Variants in LDLRAD4 observed in about 807,000 individuals in gnomAD.
The protein encoded by LDLRAD4 is low-density lipoprotein receptor class A domain-containing protein 4.
LDLRAD4 carries 5 observed loss-of-function variants against 17.0 expected under a neutral mutation model. That is an observed-to-expected ratio of 0.29 (90% CI 0.15 to 0.62). The LOEUF (loss-of-function observed/expected upper bound fraction) is 0.62. Among genes scored for constraint, LDLRAD4 ranks in the 20% least tolerant of loss-of-function variants. The pLI, the probability that LDLRAD4 is intolerant of heterozygous loss-of-function variation, is 0.84. For synonymous variants in LDLRAD4, 168 were observed against 171.8 expected, an observed-to-expected ratio of 0.98 and a Z score of 0.17; for missense variants, 340 against 424.7, an observed-to-expected ratio of 0.80 and a Z score of 1.75.
At chr18:13,396,404 C>A (rs1255622232) in intron 2 of LDLRAD4, among the ~76,000 whole-genome samples, 1 of 152,230 alleles carries the variant, frequency 6.6e-6, no homozygotes, top group Non-Finnish European at 1.5e-5. Flanking sequence ...ATAGACTTTA[C>A]ATCATCTCTA....
intron 2 of LDLRAD4, among the ~76,000 whole-genome samples, chr18:13,400,492 C>T (rs1362668750): frequency 6.6e-6 from 1 of 152,180 alleles, no homozygotes; most frequent in African/African-American, 2.4e-5. Context: ...CCTGCGGGCT[C>T]CAGACGGAGC....
At chr18:13,543,698 G>T (rs2094318959) in intron 3 of LDLRAD4, 1 of 152,250 alleles carries the variant, frequency 6.6e-6, no homozygotes, top group African/African-American at 2.4e-5. Context: ...CCTGGAGTTT[G>T]TTGGTGACTT....
intron 1 of LDLRAD4, among the ~76,000 whole-genome samples, chr18:13,350,748 G>A (rs1360103878): frequency 2.0e-5 from 3 of 152,120 alleles, no homozygotes; most frequent in East Asian, 3.8e-4. Flanking sequence ...TTCTTCTAGG[G>A]TTTTAATGGC....
intron 1 of LDLRAD4, among the ~76,000 whole-genome samples, chr18:13,343,632 G>A (rs536322343): frequency 2.0e-5 from 3 of 152,204 alleles, no homozygotes; most frequent in South Asian, 4.2e-4. Context: ...GGTATTTCTA[G>A]TTCTAGATCC....
intron 3 of LDLRAD4, among the ~76,000 whole-genome samples, chr18:13,531,772 A>T (rs923658116): frequency 1.3e-4 from 20 of 152,044 alleles, no homozygotes; most frequent in African/African-American, 4.8e-4. Context: ...AAAGCGCTGC[A>T]TCTTTCTCCT....
rs138721676 is a variant in LDLRAD4, at chr18:13,386,946, A to G, written c.-382-395A>G. 0.011 allele frequency among the ~76,000 whole-genome samples: 1,038 copies of G among 98,400 alleles called. 42 individuals are homozygous for G. The East Asian group carries it at 0.2, about 19-fold the overall frequency. 64.6% of individuals were successfully genotyped at this position (98,400 alleles called of 152,430 possible). A position where few individuals can be genotyped will look rare whatever the true frequency, so the allele number is the denominator to read the frequency against. ...TAGATAGATAGATAGATAGATAGAT[A>G]GATGGATGGATGGATAGATAAGATA... On this transcript the variant is annotated intron_variant, in intron 1 of 5. Transcript: ENST00000359446.
chr18:13,406,520 C>T (rs138164590), intron 2 of LDLRAD4, among the ~76,000 whole-genome samples: 11 of 152,194 alleles, frequency 7.2e-5, no homozygotes, highest in East Asian at 3.9e-4. Flanking sequence ...CCGTCGATGC[C>T]GTGGTGCGCA....
rs1345004115 is a variant in LDLRAD4, at chr18:13,383,601, G to A, written c.-382-3740G>A. Among the ~76,000 whole-genome samples the A allele has an allele frequency of 5.3e-5, 8 of 152,214 alleles. No individual in the cohort carries two copies. The East Asian group carries it at 1.5e-3, about 29-fold the overall frequency. ...TCCTCCAACTTTTACCCTTCCACGT[G>A]TTTGCTCCACAGATGCCCAGCATGG... On this transcript the variant is annotated intron_variant, in intron 1 of 5. Coordinates refer to ENST00000359446, the Ensembl canonical transcript of LDLRAD4.
rs531379508 is a variant in LDLRAD4 at position 13,576,178 on chromosome 18, C to G, written c.182-44939C>G. On this transcript the variant is annotated intron_variant, in intron 3 of 5. Transcript: ENST00000359446. ...GTGGCTCACGCCTGTAATCCCAGCACTTTGGGAGGCCAAGACGGGTGGATC... is the reference window on the plus strand; with the variant it reads ...GTGGCTCACGCCTGTAATCCCAGCAGTTTGGGAGGCCAAGACGGGTGGATC... 2.6e-5 allele frequency among the ~76,000 whole-genome samples: 4 copies of G among 152,252 alleles called. No homozygotes were observed. In the East Asian group the frequency reaches 5.8e-4, roughly 22 times the overall value.
intron 1 of LDLRAD4, among the ~76,000 whole-genome samples, chr18:13,253,360 T>C (rs2043328780): frequency 6.6e-6 from 1 of 152,102 alleles, no homozygotes; most frequent in African/African-American, 2.4e-5. Flanking sequence ...GACTGAAGGG[T>C]GTTGCTCACT....
intron 1 of LDLRAD4, among the ~76,000 whole-genome samples, chr18:13,224,767 A>G (rs1055092029): frequency 6.6e-6 from 1 of 151,448 alleles, no homozygotes; most frequent in African/African-American, 2.4e-5. Flanking sequence ...GGCATGAGCC[A>G]CTGCATCTGG....
intron 3 of LDLRAD4, among the ~76,000 whole-genome samples, chr18:13,477,148 C>A (rs2092960902): frequency 6.6e-6 from 1 of 152,088 alleles, no homozygotes; most frequent in Non-Finnish European, 1.5e-5. Flanking sequence ...GAGGATTGGG[C>A]CCTAATTTTC....
At chr18:13,387,613 C>G in exon 2 of LDLRAD4, 1 of 1,003,412 alleles carries the variant, frequency 1.0e-6, no homozygotes, top group Non-Finnish European at 1.6e-6. Flanking sequence ...GCCGGCCCAG[C>G]AGAGCGATGG....
At chr18:13,271,417 C>T (rs1377161727) in intron 1 of LDLRAD4, among the ~76,000 whole-genome samples, 3 of 152,164 alleles carry the variant, frequency 2.0e-5, no homozygotes, top group Non-Finnish European at 4.4e-5. Flanking sequence ...TTTCCCAATT[C>T]CCACTGGGGG....
At chr18:13,275,923 C>A (rs962438286), upstream of LDLRAD4, among the ~76,000 whole-genome samples, 2 of 152,180 alleles carry the variant, frequency 1.3e-5, no homozygotes, top group African/African-American at 4.8e-5. Flanking sequence ...GGGCAGAGGC[C>A]TGCTCTAATG....
At chr18:13,531,744 G>A (rs1024646031) in intron 3 of LDLRAD4, among the ~76,000 whole-genome samples, 3 of 152,074 alleles carry the variant, frequency 2.0e-5, no homozygotes, top group Non-Finnish European at 4.4e-5. Context: ...TCCTTTAGTA[G>A]GAAATGGAGA....
chr18:13,229,302 A>G (rs922399370), intron 1 of LDLRAD4, among the ~76,000 whole-genome samples: 2 of 152,224 alleles, frequency 1.3e-5, no homozygotes, highest in Admixed American at 6.5e-5. Context: ...AAGGCTGTGC[A>G]ACCTGGGGAA....
intron 1 of LDLRAD4, among the ~76,000 whole-genome samples, chr18:13,259,685 A>ATCCC (rs890520518): frequency 1.2e-4 from 18 of 151,758 alleles, no homozygotes; most frequent in African/African-American, 3.6e-4. Flanking sequence ...CCTATAATCC[A>ATCCC]TCCCTCCCTC....
At chr18:13,585,825 G>T (rs901902652) in intron 3 of LDLRAD4, among the ~76,000 whole-genome samples, 2 of 152,166 alleles carry the variant, frequency 1.3e-5, no homozygotes, top group African/African-American at 4.8e-5. Context: ...GTGTTGGAAA[G>T]AATATATATA....
Sources: allele counts gnomAD v4.1 joint callset (sites outside exome capture counted in the v4.1 genomes callset), GRCh38; gene constraint gnomAD v4.1.1; transcripts MANE v1.5; gene names NCBI Gene and HGNC (gene_info 2026-07-23, HGNC 2026-07-21).